SLC38A9: variants seen among roughly 807,000 people sequenced by gnomAD.
SLC38A9 encodes the protein solute carrier family 38 member 9.
Under a neutral mutation model 62.3 loss-of-function variants are expected in SLC38A9, and 48 were observed. That is an observed-to-expected ratio of 0.77 (90% CI 0.61 to 0.98). The LOEUF (loss-of-function observed/expected upper bound fraction) is 0.98. Among genes scored for constraint, SLC38A9 ranks in the 50% least tolerant of loss-of-function variants. The pLI is 0.00. For missense variants in SLC38A9, 541 were observed against 679.8 expected (o/e 0.80, Z 2.27); for synonymous variants, 204 against 227.7 (o/e 0.90, Z 0.94).
intron 11 of SLC38A9, 47 bp downstream of exon 11, chr5:55,649,160 G>C: frequency 2.8e-6 from 3 of 1,072,192 alleles, no homozygotes; most frequent in South Asian, 1.7e-5. Flanking sequence ...ATATGACAAT[G>C]GTTAAGATCA....
chr5:55,659,377 G>GGT, intron 8 of SLC38A9, among the ~76,000 whole-genome samples: 1 of 98,886 alleles, frequency 1.0e-5, no homozygotes, highest in East Asian at 2.5e-4. Flanking sequence ...AAACTGGAAA[G>GGT]GTTTTTTTTT....
Position 55,697,947 on chromosome 5 carries a change from C to A in SLC38A9, c.12G>T (p.Met4Ile), listed in dbSNP as rs549934123. The change falls in exon 3 of 16, where the codon ATG (methionine) becomes ATT (isoleucine). Residue 4 changes from methionine to isoleucine, a missense_variant. By Grantham distance (10) the Met-to-Ile change is conservative. Coordinates refer to ENST00000396865, the MANE Select transcript of SLC38A9 (RefSeq NM_173514.4). MAN[M>I]NSDSRHLGTS... ...TGCCAAGATGCCTAGAATCACTATTCATATTTGCCATTTTTCTCACACTCT... is the reference window on the plus strand; with the variant it reads ...TGCCAAGATGCCTAGAATCACTATTAATATTTGCCATTTTTCTCACACTCT... 1.3e-6 allele frequency: 2 copies of A among 1,587,528 alleles called. No homozygotes were observed. The highest frequency in any genetic ancestry group is 1.7e-6 in the Non-Finnish European group (2 of 1,165,608).
At chr5:55,671,895 G>A (rs189723215) in intron 4 of SLC38A9, among the ~76,000 whole-genome samples, 1 of 152,150 alleles carries the variant, frequency 6.6e-6, no homozygotes, top group Non-Finnish European at 1.5e-5. Context: ...TGGGTGGGAT[G>A]CAGTGGCACA....
chr5:55,685,155 T>C (rs1049650097), intron 3 of SLC38A9, among the ~76,000 whole-genome samples: 12 of 152,330 alleles, frequency 7.9e-5, no homozygotes, highest in Non-Finnish European at 1.6e-4. Context: ...AACAACTTGG[T>C]CAGCCCAAAT....
chr5:55,655,129 C>A (rs912990451), intron 9 of SLC38A9, among the ~76,000 whole-genome samples: 1 of 152,196 alleles, frequency 6.6e-6, no homozygotes, highest in Non-Finnish European at 1.5e-5. Context: ...CGTGAGCCAC[C>A]ATGCTCAGCA....
At chr5:55,646,040 G>A in intron 11 of SLC38A9, 145 bp from the exon 12 acceptor site, 1 of 613,020 alleles carries the variant, frequency 1.6e-6, no homozygotes, top group East Asian at 2.8e-5. Context: ...GTTCCTCGAG[G>A]CCAGCATTAT....
chr5:55,629,017 C>A (rs554241905), intron 14 of SLC38A9, among the ~76,000 whole-genome samples: 4 of 151,608 alleles, frequency 2.6e-5, no homozygotes, highest in Admixed American at 6.6e-5. Context: ...TAGTCATATA[C>A]CCTGATGAAT....
chr5:55,638,030 A>G (rs1404640950), intron 12 of SLC38A9, among the ~76,000 whole-genome samples: 1 of 152,214 alleles, frequency 6.6e-6, no homozygotes, highest in Non-Finnish European at 1.5e-5. Flanking sequence ...TATACAACAG[A>G]ACACATACAG....
intron 4 of SLC38A9, among the ~76,000 whole-genome samples, chr5:55,671,063 C>A (rs1259728548): frequency 6.6e-6 from 1 of 152,118 alleles, no homozygotes; most frequent in African/African-American, 2.4e-5. Flanking sequence ...AATGTTGGTT[C>A]TCTTCTTTTT....
intron 3 of SLC38A9, among the ~76,000 whole-genome samples, chr5:55,678,660 T>G (rs185674721): frequency 0.033 from 4,403 of 132,840 alleles, 184 homozygotes; most frequent in African/African-American, 0.065. Context: ...TTTTTTTTTT[T>G]TTTTTTTTTT....
At position 55,635,639 on chromosome 5, in the gene SLC38A9, C is replaced by A; in HGVS notation, c.1186G>T (p.Ala396Ser). The A allele has an allele frequency of 6.2e-7, 1 of 1,613,464 alleles. No individual in the cohort carries two copies. The highest frequency in any genetic ancestry group is 1.7e-4 in the Middle Eastern group (1 of 6,058). The part of the protein sequence containing the change: ...QENNVRDLCI[A>S]YMLVTLTYLY... ...TAAGTTAATGTCACCAGCATATAAGCAATGCACAAGTCCCTCACCTGTAAA... is the reference window on the plus strand; with the variant it reads ...TAAGTTAATGTCACCAGCATATAAGAAATGCACAAGTCCCTCACCTGTAAA... Residue 396 changes from alanine (A) to serine (S), a missense_variant, in exon 13 of 16, where the codon GCT becomes TCT. Transcript: ENST00000396865.
chr5:55,707,896 T>C (rs7722539), intron 2 of SLC38A9, among the ~76,000 whole-genome samples: 14,881 of 152,134 alleles, frequency 0.098, 1,232 homozygotes, highest in African/African-American at 0.23. Context: ...ACTAGCTAGA[T>C]CCCTTTTGTC....
chr5:55,709,316 C>A (rs1455473573), intron 2 of SLC38A9, among the ~76,000 whole-genome samples: 1 of 152,002 alleles, frequency 6.6e-6, no homozygotes, highest in Admixed American at 6.6e-5. Flanking sequence ...AAAACCCTAG[C>A]AAACGACAGA....
intron 3 of SLC38A9, chr5:55,675,200 T>A (rs1309636630): frequency 3.3e-5 from 5 of 152,220 alleles, no homozygotes; most frequent in Non-Finnish European, 7.3e-5. Context: ...AGTCAGGAAG[T>A]GCTAAATTTC....
intron 11 of SLC38A9, among the ~76,000 whole-genome samples, chr5:55,646,328 A>G (rs6450333): frequency 0.59 from 90,058 of 151,630 alleles, 27,396 homozygotes; most frequent in South Asian, 0.7. Context: ...CCGAGATCAC[A>G]CCATTACACT....
At chr5:55,667,489 A>C (rs545465936) in intron 7 of SLC38A9, among the ~76,000 whole-genome samples, 1 of 152,228 alleles carries the variant, frequency 6.6e-6, no homozygotes, top group South Asian at 2.1e-4. Flanking sequence ...TTAATTTGTT[A>C]ATGTAGTGAA....
At chr5:55,699,703 A>T (rs1756391869) in intron 2 of SLC38A9, among the ~76,000 whole-genome samples, 1 of 140,454 alleles carries the variant, frequency 7.1e-6, no homozygotes, top group African/African-American at 2.6e-5. Context: ...TGTTTAAATA[A>T]GGACCAGAGT....
intron 3 of SLC38A9, among the ~76,000 whole-genome samples, chr5:55,680,242 C>T (rs1021534626): frequency 3.7e-5 from 5 of 135,496 alleles, no homozygotes; most frequent in Non-Finnish European, 8.1e-5. Context: ...GAGAGAGATA[C>T]ATTTTATTTT....
At chr5:55,671,108 C>T (rs1751241833) in intron 4 of SLC38A9, among the ~76,000 whole-genome samples, 1 of 151,868 alleles carries the variant, frequency 6.6e-6, no homozygotes. Context: ...CTGTTTTCTC[C>T]CAGAATGTTC....
Sources: gnomAD v4.1 joint callset for allele counts (sites outside exome capture counted in the v4.1 genomes callset) on GRCh38, gnomAD v4.1.1 for gene constraint, MANE v1.5 for transcripts, NCBI Gene and HGNC (gene_info 2026-07-23, HGNC 2026-07-21) for gene names.